The following PRKD1 variants were observed in gnomAD, a reference collection of about 807,000 sequenced individuals.
PRKD1 encodes the protein serine/threonine-protein kinase D1.
PRKD1 carries 63 observed loss-of-function variants against 95.9 expected under a neutral mutation model. The ratio of observed to expected loss-of-function variants is 0.66; its 90% CI spans 0.54 to 0.81. The LOEUF is 0.81. Among genes scored for constraint, PRKD1 ranks in the 30% least tolerant of loss-of-function variants. The pLI, the probability that PRKD1 is intolerant of heterozygous loss-of-function variation, is 0.00. For synonymous variants in PRKD1, 425 were observed against 423.1 expected, an observed-to-expected ratio of 1.00 and a Z score of -0.05; for missense variants, 1,048 against 1,165.3, an observed-to-expected ratio of 0.90 and a Z score of 1.47.
At chr14:29,779,154 A>G (rs1372914162) in intron 1 of PRKD1, among the ~76,000 whole-genome samples, 1 of 152,198 alleles carries the variant, frequency 6.6e-6, no homozygotes, top group Admixed American at 6.5e-5. Context: ...GATAAGACCT[A>G]TTTATGAAAA....
chr14:29,668,420 A>T (rs560265724), intron 2 of PRKD1, among the ~76,000 whole-genome samples: 1 of 152,308 alleles, frequency 6.6e-6, no homozygotes, highest in Admixed American at 6.5e-5. Flanking sequence ...TGACAGGGCA[A>T]CAAACTAAAC....
intron 1 of PRKD1, chr14:29,812,078 C>T (rs1460471052): frequency 1.3e-5 from 2 of 152,158 alleles, no homozygotes; most frequent in Non-Finnish European, 2.9e-5. Context: ...AAAGAGAACA[C>T]ATAAAACTTG....
At chr14:29,870,416 T>C (rs1235780836) in intron 1 of PRKD1, among the ~76,000 whole-genome samples, 1 of 152,208 alleles carries the variant, frequency 6.6e-6, no homozygotes, top group African/African-American at 2.4e-5. Context: ...AATTATGGCT[T>C]GATTTGCCTT....
intron 2 of PRKD1, among the ~76,000 whole-genome samples, chr14:29,704,803 A>T (rs1239435934): frequency 3.9e-5 from 6 of 152,282 alleles, no homozygotes; most frequent in African/African-American, 1.4e-4. Flanking sequence ...TTTTTTGTGT[A>T]GATGGCATAA....
At chr14:29,642,918 T>TTC in intron 4 of PRKD1, among the ~76,000 whole-genome samples, 1 of 151,970 alleles carries the variant, frequency 6.6e-6, no homozygotes, top group African/African-American at 2.4e-5. Context: ...AATGATTTTT[T>TTC]TTTTTTTAAT....
intron 1 of PRKD1, among the ~76,000 whole-genome samples, chr14:29,737,178 C>G (rs966683721): frequency 6.7e-6 from 1 of 150,372 alleles, no homozygotes; most frequent in Non-Finnish European, 1.5e-5. Flanking sequence ...AAAAATTAGC[C>G]GGGCGCGGTG....
chr14:29,753,255 C>T (rs950404601), intron 1 of PRKD1, among the ~76,000 whole-genome samples: 16 of 152,086 alleles, frequency 1.1e-4, no homozygotes, highest in African/African-American at 3.9e-4. Flanking sequence ...GATGACAGTG[C>T]TGGGGTTTTT....
At chr14:29,642,939 G>A (rs567419639) in intron 4 of PRKD1, among the ~76,000 whole-genome samples, 61 of 150,402 alleles carry the variant, frequency 4.1e-4, no homozygotes, top group African/African-American at 1.4e-3. Context: ...GAGAAGAGGA[G>A]GGAAAGTTGA....
intron 2 of PRKD1, among the ~76,000 whole-genome samples, chr14:29,692,441 T>C (rs976912736): frequency 2.6e-5 from 4 of 152,154 alleles, no homozygotes; most frequent in Admixed American, 2.6e-4. Context: ...AGCACTGGGT[T>C]TTAATGAAGA....
intron 2 of PRKD1, among the ~76,000 whole-genome samples, chr14:29,686,457 G>C (rs1243421944): frequency 6.6e-6 from 1 of 152,198 alleles, no homozygotes; most frequent in Admixed American, 6.5e-5. Context: ...CACTCAGGGT[G>C]CTCCAGGTAC....
chr14:29,604,277 T>C (rs1024100778), intron 13 of PRKD1, among the ~76,000 whole-genome samples: 3 of 152,166 alleles, frequency 2.0e-5, no homozygotes, highest in Non-Finnish European at 2.9e-5. Flanking sequence ...ATTCCATATA[T>C]GTAGTTTCCA....
intron 1 of PRKD1, among the ~76,000 whole-genome samples, chr14:29,785,868 G>GA (rs1237753774): frequency 3.4e-5 from 5 of 148,430 alleles, no homozygotes; most frequent in Non-Finnish European, 6.0e-5. Flanking sequence ...TAAAAGTTTG[G>GA]TGGGGCTGTC....
intron 1 of PRKD1, among the ~76,000 whole-genome samples, chr14:29,778,166 T>C (rs895718008): frequency 1.1e-4 from 16 of 152,210 alleles, no homozygotes; most frequent in Non-Finnish European, 2.1e-4. Context: ...TAGCACTAAA[T>C]GCCCACAACA....
At chr14:29,711,811 G>A (rs569350070) in intron 2 of PRKD1, among the ~76,000 whole-genome samples, 1 of 152,104 alleles carries the variant, frequency 6.6e-6, no homozygotes, top group Admixed American at 6.6e-5. Context: ...TAGTAAGTTT[G>A]TGTCATGCTC....
chr14:29,882,861 G>A (rs80294494), intron 1 of PRKD1, among the ~76,000 whole-genome samples: 1 of 59,056 alleles, frequency 1.7e-5, no homozygotes, highest in Non-Finnish European at 3.5e-5. Context: ...ATATTCCACT[G>A]TGTGTGTGTG....
At chr14:29,602,999 G>C (rs1566479398) in intron 13 of PRKD1, among the ~76,000 whole-genome samples, 1 of 152,116 alleles carries the variant, frequency 6.6e-6, no homozygotes, top group Non-Finnish European at 1.5e-5. Context: ...AAAGGATAAG[G>C]GAACATTTTG....
intron 1 of PRKD1, among the ~76,000 whole-genome samples, chr14:29,895,689 C>T (rs1314522197): frequency 6.6e-6 from 1 of 152,166 alleles, no homozygotes; most frequent in Non-Finnish European, 1.5e-5. Flanking sequence ...TCGCTGCTGT[C>T]CTGCAAGCAC....
intron 1 of PRKD1, among the ~76,000 whole-genome samples, chr14:29,890,788 C>T (rs1287725182): frequency 6.6e-6 from 1 of 152,212 alleles, no homozygotes; most frequent in South Asian, 2.1e-4. Context: ...ACCTGATTGC[C>T]ATTTGACACT....
chr14:29,738,757 C>G (rs924187995), intron 1 of PRKD1, among the ~76,000 whole-genome samples: 1 of 151,094 alleles, frequency 6.6e-6, no homozygotes, highest in Non-Finnish European at 1.5e-5. Flanking sequence ...TTCTTTCTTT[C>G]TTTCCTTCCT....
Sources: gnomAD v4.1 joint callset for allele counts (sites outside exome capture counted in the v4.1 genomes callset) on GRCh38, gnomAD v4.1.1 for gene constraint, MANE v1.5 for transcripts, NCBI Gene and HGNC (gene_info 2026-07-23, HGNC 2026-07-21) for gene names.